Variants in CFAP77 observed in about 807,000 individuals in gnomAD.
The protein encoded by CFAP77 is cilia and flagella associated protein 77, also known as cilia- and flagella-associated protein 77.
CFAP77 carries 25 observed loss-of-function variants against 31.1 expected under a neutral mutation model. The ratio of observed to expected loss-of-function variants is 0.80; its 90% CI spans 0.59 to 1.12. The LOEUF (loss-of-function observed/expected upper bound fraction) is 1.12, where lower values mean the gene tolerates loss of function less well. CFAP77 is among the 50% of genes most tolerant of loss of function. The pLI, the probability that CFAP77 is intolerant of heterozygous loss-of-function variation, is 0.00. For synonymous variants in CFAP77, 151 were observed against 159.9 expected, an observed-to-expected ratio of 0.94 and a Z score of 0.42; for missense variants, 377 against 397.3, an observed-to-expected ratio of 0.95 and a Z score of 0.44.
At chr9:132,547,209 T>A (rs1389869608) in intron 5 of CFAP77, among the ~76,000 whole-genome samples, 2 of 152,214 alleles carry the variant, frequency 1.3e-5, no homozygotes, top group African/African-American at 4.8e-5. Context: ...GTGGTACATC[T>A]GTGTGCACGC....
chr9:132,487,049 G>A (rs1851573840), intron 1 of CFAP77, among the ~76,000 whole-genome samples: 1 of 152,262 alleles, frequency 6.6e-6, no homozygotes, highest in South Asian at 2.1e-4. Context: ...CAGGCCTGAG[G>A]ACGCCTGGAG....
intron 1 of CFAP77, among the ~76,000 whole-genome samples, chr9:132,413,121 G>A (rs1850038323): frequency 6.6e-6 from 1 of 152,028 alleles, no homozygotes; most frequent in African/African-American, 2.4e-5. Flanking sequence ...GTTGTTTCGT[G>A]GGTTGTTTTC....
intron 5 of CFAP77, among the ~76,000 whole-genome samples, chr9:132,558,241 C>T (rs1031206294): frequency 2.6e-5 from 4 of 152,124 alleles, no homozygotes; most frequent in Non-Finnish European, 2.9e-5. Context: ...ATATATAGCC[C>T]ACTACATAGA....
chr9:132,488,081 T>C (rs1851592967), intron 1 of CFAP77, among the ~76,000 whole-genome samples: 2 of 152,186 alleles, frequency 1.3e-5, no homozygotes, highest in Non-Finnish European at 2.9e-5. Context: ...TTTAACAAAA[T>C]GCAGGAGAGT....
chr9:132,474,584 G>T (rs528482111), intron 1 of CFAP77, among the ~76,000 whole-genome samples: 3 of 152,160 alleles, frequency 2.0e-5, no homozygotes, highest in African/African-American at 4.8e-5. Context: ...TAGGACCAGG[G>T]GGGGAATGCA....
intron 1 of CFAP77, among the ~76,000 whole-genome samples, chr9:132,433,046 G>A (rs529741831): frequency 7.2e-4 from 109 of 151,396 alleles, no homozygotes; most frequent in African/African-American, 1.7e-3. Context: ...ATGGGGTTTC[G>A]CTATGTTGCC....
chr9:132,433,659 T>C (rs559814960), intron 1 of CFAP77, among the ~76,000 whole-genome samples: 9 of 152,094 alleles, frequency 5.9e-5, no homozygotes, highest in Admixed American at 1.3e-4. Context: ...GCAGTTCTTC[T>C]GCCTCAGCCT....
At chr9:132,467,736 G>A (rs954452112) in intron 1 of CFAP77, among the ~76,000 whole-genome samples, 3 of 152,072 alleles carry the variant, frequency 2.0e-5, no homozygotes, top group African/African-American at 4.8e-5. Flanking sequence ...AGAATCACAC[G>A]GTAATTCTAT....
chr9:132,463,922 T>C (rs1008928285), intron 1 of CFAP77, among the ~76,000 whole-genome samples: 4 of 152,180 alleles, frequency 2.6e-5, no homozygotes, highest in Non-Finnish European at 4.4e-5. Flanking sequence ...TGTGGGTGGA[T>C]TCCACTCCAA....
At chr9:132,521,860 G>A (rs1318308659) in intron 3 of CFAP77, among the ~76,000 whole-genome samples, 3 of 135,118 alleles carry the variant, frequency 2.2e-5, no homozygotes, top group Non-Finnish European at 3.0e-5. Flanking sequence ...TCTGCCTCCC[G>A]GGTTCAAGCG....
At chr9:132,470,910 G>A (rs1345204096) in intron 1 of CFAP77, among the ~76,000 whole-genome samples, 1 of 152,176 alleles carries the variant, frequency 6.6e-6, no homozygotes, top group East Asian at 1.9e-4. Context: ...TCCAGGAGGT[G>A]GAGGTTGCAG....
intron 1 of CFAP77, among the ~76,000 whole-genome samples, chr9:132,422,044 T>C (rs1850225091): frequency 6.6e-6 from 1 of 152,084 alleles, no homozygotes; most frequent in African/African-American, 2.4e-5. Context: ...GTTTTGCTCT[T>C]GTTGCCCAGG....
intron 1 of CFAP77, among the ~76,000 whole-genome samples, chr9:132,460,973 G>GC (rs1851037530): frequency 6.6e-6 from 1 of 152,112 alleles, no homozygotes; most frequent in South Asian, 2.1e-4. Context: ...CGATTTACCT[G>GC]CCTCAGTCTC....
chr9:132,524,796 C>T (rs925906143), intron 3 of CFAP77, among the ~76,000 whole-genome samples: 1 of 128,906 alleles, frequency 7.8e-6, no homozygotes, highest in Non-Finnish European at 1.8e-5. Context: ...CTACAGGCGC[C>T]CGCCACCACG....
chr9:132,499,636 G>A lies in CFAP77; in HGVS notation c.524+36G>A, dbSNP rs61001416. ...TGGCAGCCAGGGCTTCATCCCTTGA[G>A]GGGGTGGAGGTACCAGCTCAATCAG... is the stretch of plus-strand genomic sequence containing the variant. On this transcript the variant is annotated intron_variant, in intron 3 of 5. Coordinates refer to ENST00000393216, the MANE Select transcript of CFAP77 (RefSeq NM_001282957.2). This position sits in a 1 kb window ranked among gnomAD's most constrained non-coding sequence, Gnocchi z 5.4. The A allele has an allele frequency of 0.12, 197,737 of 1,593,802 alleles. 13,623 individuals carry two copies. The highest frequency in any genetic ancestry group is 0.21 in the African/African-American group (15,958 of 74,574).
chr9:132,546,293 C>T (rs1160050518), intron 5 of CFAP77, among the ~76,000 whole-genome samples: 2 of 152,196 alleles, frequency 1.3e-5, no homozygotes, highest in African/African-American at 2.4e-5. Flanking sequence ...TCCCCCTAGG[C>T]GGAGCTGCTG....
chr9:132,482,010 G>A (rs970655494), intron 1 of CFAP77, among the ~76,000 whole-genome samples: 1 of 148,968 alleles, frequency 6.7e-6, no homozygotes, highest in Non-Finnish European at 1.5e-5. Flanking sequence ...CCTATTACAT[G>A]ATGCGATTTT....
intron 3 of CFAP77, among the ~76,000 whole-genome samples, chr9:132,531,627 G>GGT (rs1554748485): frequency 6.9e-6 from 1 of 144,346 alleles, no homozygotes; most frequent in African/African-American, 2.6e-5. Context: ...CTAAGACATG[G>GGT]GGGGGGGGGC....
In CFAP77 at chr9:132,572,300, T is replaced by C. The variant is rs192031196; in HGVS notation, c.733-88T>C. The C allele has an allele frequency of 2.5e-4, 363 of 1,435,828 alleles. 2 individuals carry two copies. The East Asian group carries it at 4.3e-3, about 17-fold the overall frequency. 88.9% of individuals were successfully genotyped at this position (1,435,828 alleles called of 1,614,324 possible). A position where few individuals can be genotyped will look rare whatever the true frequency, so the allele number is the denominator to read the frequency against. On this transcript the variant is annotated intron_variant, in intron 5 of 5. Coordinates refer to ENST00000393216, the MANE Select transcript of CFAP77 (RefSeq NM_001282957.2). ...AGCTATTTTTATCATTATTCTAAGA[T>C]TGAAGCAGGGGGCAGGCGAGGGGAG...
Sources: allele counts gnomAD v4.1 joint callset (sites outside exome capture counted in the v4.1 genomes callset), GRCh38; gene constraint gnomAD v4.1.1; non-coding constraint Gnocchi (gnomAD v3.1); transcripts MANE v1.5; gene names NCBI Gene and HGNC (gene_info 2026-07-23, HGNC 2026-07-21).